The following RING1 variants were observed in gnomAD, a reference collection of about 807,000 sequenced individuals.
RING1 encodes the protein ring finger protein 1, also known as E3 ubiquitin-protein ligase RING1.
A neutral mutation model predicts 35.0 loss-of-function variants in RING1; 8 were observed. The ratio of observed to expected loss-of-function variants is 0.23; its 90% CI spans 0.13 to 0.41. The LOEUF (loss-of-function observed/expected upper bound fraction) is 0.41, where lower values mean the gene tolerates loss of function less well. Among genes scored for constraint, RING1 ranks in the 10% least tolerant of loss-of-function variants. The pLI, the probability that RING1 is intolerant of heterozygous loss-of-function variation, is 1.00. For synonymous variants in RING1, 214 were observed against 224.3 expected (o/e 0.95, Z 0.41); for missense variants, 343 against 546.8 (o/e 0.63, Z 3.72).
Position 33,211,833 on chromosome 6 carries a change from G to A in RING1, c.950G>A (p.Gly317Glu). The A allele has an allele frequency of 6.2e-7, 1 of 1,611,776 alleles. No homozygotes were observed. The highest frequency in any genetic ancestry group is 8.5e-7 in the Non-Finnish European group (1 of 1,179,002). The change falls in exon 6 of 7, where the codon GGA becomes GAA. Residue 317 changes from glycine (G) to glutamate (E), a missense_variant. Physicochemically the swap from Gly to Glu is moderately conservative, Grantham distance 98. Around this residue, in one of 2 missense-constraint regions of RING1, gnomAD observed 278 missense variants for 383.5 expected, o/e 0.72. Coordinates refer to ENST00000374656, the MANE Select transcript of RING1 (RefSeq NM_002931.4). This position sits in a 1 kb window ranked among gnomAD's most constrained non-coding sequence, Gnocchi z 6.3. ...CAACAGCAGGAAGCAGGGGAGCCAG[G>A]AGGGCCTGGAGGGGGCGCCTCTGAC... is the stretch of plus-strand genomic sequence containing the variant. ...RRQQQEAGEP[G>E]GPGGGASDTG...
At chr6:33,210,678 G>A (rs966467747) in intron 4 of RING1, among the ~76,000 whole-genome samples, 5 of 152,128 alleles carry the variant, frequency 3.3e-5, no homozygotes, top group Admixed American at 6.5e-5. Context: ...ACAGTAGAGC[G>A]ATTTTGAGAA....
Position 33,212,467 on chromosome 6 carries a change from C to A in RING1, c.*68C>A. 1 of 1,054,558 alleles carries A rather than the reference C, an allele frequency of 9.5e-7. No individual in the cohort carries two copies. Among genetic ancestry groups the A allele is most frequent in the Non-Finnish European group, 1.4e-6 (1 of 700,348 alleles). 65.3% of individuals were successfully genotyped at this position (1,054,558 alleles called of 1,614,324 possible). A position where few individuals can be genotyped will look rare whatever the true frequency, so the allele number is the denominator to read the frequency against. Reference sequence around the variant, plus strand: ...CCTGTGTCCTGGTCTATCACCCCAGCTTCTTTGTCCCCCAGTACCCCCAGC... The same window carrying A: ...CCTGTGTCCTGGTCTATCACCCCAGATTCTTTGTCCCCCAGTACCCCCAGC... On this transcript the variant is annotated 3_prime_UTR_variant, in exon 7 of 7. Transcript: ENST00000374656.
chr6:33,209,839 C>T lies in RING1; in HGVS notation c.239+53C>T, dbSNP rs1289294675. ...GATGAAGGGGTACAAAGTTAGGGCC[C>T]TCTCACTGGTCTTGGTTCAGCCTAG... On this transcript the variant is annotated intron_variant, in intron 3 of 6. Transcript: ENST00000374656. The surrounding 1 kb of genome is among the most constrained non-coding windows in gnomAD (Gnocchi z 5.1). The T allele has an allele frequency of 6.2e-7, 1 of 1,611,680 alleles. No homozygotes were observed.
Position 33,212,532 on chromosome 6 carries a change from C to T in RING1, c.*133C>T, listed in dbSNP as rs1775623973. The T allele has an allele frequency of 1.6e-6, 1 of 629,606 alleles. No homozygotes were observed. Among genetic ancestry groups the T allele is most frequent in the Non-Finnish European group, 2.9e-6 (1 of 350,870 alleles). 39.0% of individuals were successfully genotyped at this position (629,606 alleles called of 1,614,324 possible). ...AGAGGACACAAATGAGGACACGTGG[C>T]TTTTATACAAAGTATCTATATGAGA... On this transcript the variant is annotated 3_prime_UTR_variant, in exon 7 of 7. Coordinates refer to ENST00000374656, the MANE Select transcript of RING1 (RefSeq NM_002931.4).
In RING1 at chr6:33,211,272, CGCCCCTGACTCT is replaced by C; in HGVS notation, c.576_587del (p.Asp193_Pro196del). The C allele has an allele frequency of 6.2e-7, 1 of 1,612,756 alleles. No individual in the cohort carries two copies. The highest frequency in any genetic ancestry group is 8.5e-7 in the Non-Finnish European group (1 of 1,179,900). On this transcript the variant is annotated inframe_deletion, in exon 5 of 7. Coordinates refer to ENST00000374656, the MANE Select transcript of RING1 (RefSeq NM_002931.4). This position sits in a 1 kb window ranked among gnomAD's most constrained non-coding sequence, Gnocchi z 6.3. ...ATGGAGAAGATGTGAGCTCAGACTC[CGCCCCTGACTCT>C]GCCCCAGGCCCTGCTCCCAAGCGAC...
rs1450907411 is a variant in RING1, at chr6:33,208,992, C to T, written c.78+92C>T. 9.3e-7 allele frequency: 1 copy of T among 1,072,844 alleles called. No homozygotes were observed. The highest frequency in any genetic ancestry group is 2.6e-5 in the East Asian group (1 of 38,934). 66.5% of individuals were successfully genotyped at this position (1,072,844 alleles called of 1,614,324 possible). A position where few individuals can be genotyped will look rare whatever the true frequency, so the allele number is the denominator to read the frequency against. On this transcript the variant is annotated intron_variant, in intron 2 of 6. Coordinates refer to ENST00000374656, the MANE Select transcript of RING1 (RefSeq NM_002931.4). The surrounding 1 kb of genome is among the most constrained non-coding windows in gnomAD (Gnocchi z 6.2). ...CACAGCTTCTTTTCCGTAATTTGCT[C>T]TATTCTGCCTTGCCTGGCCCTACCT...
Position 33,211,565 on chromosome 6 carries a change from TC to T in RING1, c.845+22del. ...CAGACGAGGTGAGGAGCCCTGTCTT[TC>T]CCCAGCCACTGAGAAACCAAAGATC... On this transcript the variant is annotated intron_variant, in intron 5 of 6. Coordinates refer to ENST00000374656, the MANE Select transcript of RING1 (RefSeq NM_002931.4). The surrounding 1 kb of genome is among the most constrained non-coding windows in gnomAD (Gnocchi z 6.3). 6.2e-7 allele frequency: 1 copy of T among 1,603,756 alleles called. No individual in the cohort carries two copies. Among genetic ancestry groups the T allele is most frequent in the Non-Finnish European group, 8.5e-7 (1 of 1,178,008 alleles).
rs2744515 is a variant in RING1 at position 33,208,691 on chromosome 6, G to A, written c.-59+47G>A. 3 of 708,380 alleles carry A rather than the reference G, an allele frequency of 4.2e-6. No individual in the cohort carries two copies. In the African/African-American group the frequency reaches 5.6e-5, roughly 13 times the overall value. 43.9% of individuals were successfully genotyped at this position (708,380 alleles called of 1,614,324 possible). ...GGGGCGGGAGCGGGGGCGGAGAGGG[G>A]CGCTTCTGGAGGGGCGGGGTCTACG... On this transcript the variant is annotated intron_variant, in intron 1 of 6. Transcript: ENST00000374656. The surrounding 1 kb of genome is among the most constrained non-coding windows in gnomAD (Gnocchi z 6.2).
In RING1 at chr6:33,211,415, C is replaced by A. The variant is rs755377213; in HGVS notation, c.713C>A (p.Thr238Asn). The change falls in exon 5 of 7, where the codon ACT becomes AAT. Residue 238 changes from threonine (T) to asparagine (N), a missense_variant. Transcript: ENST00000374656. The surrounding 1 kb of genome is among the most constrained non-coding windows in gnomAD (Gnocchi z 6.3). ...GAAGACTCTGGTGACCGGGGAGGGA[C>A]TCTGGGAGGGGGAACGCTGGGCCCC... ...GSEDSGDRGG[T>N]LGGGTLGPPS... The A allele has an allele frequency of 7.7e-6, 12 of 1,565,006 alleles. No homozygotes were observed. The highest frequency in any genetic ancestry group is 1.7e-4 in the Middle Eastern group (1 of 5,826).
chr6:33,211,440 C>T lies in RING1; in HGVS notation c.738C>T (p.Pro246=). 2 of 1,584,984 alleles carry T rather than the reference C, an allele frequency of 1.3e-6. No homozygotes were observed. The highest frequency in any genetic ancestry group is 1.7e-6 in the Non-Finnish European group (2 of 1,165,966). The part of the protein sequence containing the change: ...GGTLGGGTLG[P]PSPPGAPSPP... ...CTCTGGGAGGGGGAACGCTGGGCCC[C>T]CCAAGCCCTCCTGGGGCCCCCAGCC... Residue 246 remains proline (P), a synonymous_variant, in exon 5 of 7, where the codon CCC becomes CCT. Coordinates refer to ENST00000374656, the MANE Select transcript of RING1 (RefSeq NM_002931.4). The surrounding 1 kb of genome is among the most constrained non-coding windows in gnomAD (Gnocchi z 6.3).
rs749601573 is a variant in RING1 at position 33,211,254 on chromosome 6, A to T, written c.552A>T (p.Glu184Asp). ...CCGGGGAGGGAGAAGGGGATGGAGA[A>T]GATGTGAGCTCAGACTCCGCCCCTG... ...GEPGEGEGDG[E>D]DVSSDSAPDS... The change falls in exon 5 of 7, where the codon GAA becomes GAT. Residue 184 changes from glutamate (E) to aspartate (D), a missense_variant. Glu to Asp is a conservative substitution (Grantham distance 45, BLOSUM62 2). Transcript: ENST00000374656. This position sits in a 1 kb window ranked among gnomAD's most constrained non-coding sequence, Gnocchi z 6.3. The T allele has an allele frequency of 6.2e-7, 1 of 1,612,786 alleles. No homozygotes were observed. The highest frequency in any genetic ancestry group is 1.7e-5 in the Admixed American group (1 of 59,998).
Position 33,211,628 on chromosome 6 carries a change from C to T in RING1, c.845+81C>T. The stretch of plus-strand genomic sequence containing the variant: ...CATCAGAAGTGGGCTTTGCCCAAAC[C>T]CAAAATACCACCCCAACCCAGAATC... On this transcript the variant is annotated intron_variant, in intron 5 of 6. Transcript: ENST00000374656. The surrounding 1 kb of genome is among the most constrained non-coding windows in gnomAD (Gnocchi z 6.3). 6.4e-7 allele frequency: 1 copy of T among 1,560,280 alleles called. No individual in the cohort carries two copies.
Position 33,210,221 on chromosome 6 carries a change from G to A in RING1, c.455+91G>A, listed in dbSNP as rs565944825. Reference sequence around the variant, plus strand: ...TAGCTTCTAAGCCTCAGCATCCTAGGAGCTGACCACAGACTGATCATTAGG... The same window carrying A: ...TAGCTTCTAAGCCTCAGCATCCTAGAAGCTGACCACAGACTGATCATTAGG... On this transcript the variant is annotated intron_variant, in intron 4 of 6. Coordinates refer to ENST00000374656, the MANE Select transcript of RING1 (RefSeq NM_002931.4). 2.1e-4 allele frequency: 244 copies of A among 1,179,484 alleles called. 1 individual carries two copies. The highest frequency in any genetic ancestry group is 8.5e-4 in the South Asian group (66 of 78,082). 73.1% of individuals were successfully genotyped at this position (1,179,484 alleles called of 1,614,324 possible). A position where few individuals can be genotyped will look rare whatever the true frequency, so the allele number is the denominator to read the frequency against.
chr6:33,212,541 A>G lies in RING1; in HGVS notation c.*142A>G. 1.6e-6 allele frequency: 1 copy of G among 618,882 alleles called. No individual in the cohort carries two copies. The highest frequency in any genetic ancestry group is 2.9e-6 in the Non-Finnish European group (1 of 344,860). The allele number at this position is 618,882 out of a possible 1,614,324, so 38.3% of individuals were successfully genotyped here. A position where few individuals can be genotyped will look rare whatever the true frequency, so the allele number is the denominator to read the frequency against. On this transcript the variant is annotated 3_prime_UTR_variant, in exon 7 of 7. Coordinates refer to ENST00000374656, the MANE Select transcript of RING1 (RefSeq NM_002931.4). ...AAATGAGGACACGTGGCTTTTATAC[A>G]AAGTATCTATATGAGATTCTTCTAT...
At position 33,211,695 on chromosome 6, in the gene RING1, TCTGG is replaced by T; in HGVS notation, c.846-31_846-28del. ...TACCTCCAGTCCTCATCTGAGGCGC[TCTGG>T]CTCTAAGCCTGTCCTCCCTCCCATT... On this transcript the variant is annotated intron_variant, in intron 5 of 6. Coordinates refer to ENST00000374656, the MANE Select transcript of RING1 (RefSeq NM_002931.4). This position sits in a 1 kb window ranked among gnomAD's most constrained non-coding sequence, Gnocchi z 6.3. 1 of 1,534,036 alleles carries T rather than the reference TCTGG, an allele frequency of 6.5e-7. No individual in the cohort carries two copies. The highest frequency in any genetic ancestry group is 8.8e-7 in the Non-Finnish European group (1 of 1,142,024).
chr6:33,210,615 A>C (rs531198951), intron 4 of RING1, among the ~76,000 whole-genome samples: 127 of 132,854 alleles, frequency 9.6e-4, no homozygotes, highest in South Asian at 4.8e-3. Flanking sequence ...GCCCTGTCAC[A>C]AAAAAAAAAA....
rs1165133868 is a variant in RING1, at chr6:33,211,306, C to A, written c.604C>A (p.Arg202=). ...PDSAPGPAPK[R]PRGGGAGGSS... Reference sequence around the variant, plus strand: ...CTCTGCCCCAGGCCCTGCTCCCAAGCGACCCCGTGGAGGGGGCGCAGGGGG... The same window carrying A: ...CTCTGCCCCAGGCCCTGCTCCCAAGAGACCCCGTGGAGGGGGCGCAGGGGG... Residue 202 remains arginine, a synonymous_variant, in exon 5 of 7, where the codon CGA becomes AGA. Transcript: ENST00000374656. This position sits in a 1 kb window ranked among gnomAD's most constrained non-coding sequence, Gnocchi z 6.3. The A allele has an allele frequency of 3.1e-6, 5 of 1,610,846 alleles. No homozygotes were observed. The African/African-American group carries it at 5.4e-5, about 17-fold the overall frequency.
intron 4 of RING1, 103 bp downstream of exon 4, chr6:33,210,233 G>T (rs213208): frequency 0.26 from 265,461 of 1,008,834 alleles, 39,374 homozygotes; most frequent in East Asian, 0.65. Context: ...GCTGACCACA[G>T]ACTGATCATT....
In RING1 at chr6:33,208,934, TC is replaced by T. The variant is rs1562449281; in HGVS notation, c.78+39del. The T allele has an allele frequency of 6.4e-7, 1 of 1,551,370 alleles. No homozygotes were observed. The highest frequency in any genetic ancestry group is 8.9e-7 in the Non-Finnish European group (1 of 1,129,560). On this transcript the variant is annotated intron_variant, in intron 2 of 6. Coordinates refer to ENST00000374656, the MANE Select transcript of RING1 (RefSeq NM_002931.4). The surrounding 1 kb of genome is among the most constrained non-coding windows in gnomAD (Gnocchi z 6.2). ...CATTCTCCCTTTCAGGCTTACCCCCTCCCCCAAACCCTTATATCCACAGACC... is the reference window on the plus strand; with the variant it reads ...CATTCTCCCTTTCAGGCTTACCCCCTCCCCAAACCCTTATATCCACAGACC...
Sources: gnomAD v4.1 joint callset for allele counts (sites outside exome capture counted in the v4.1 genomes callset) on GRCh38, gnomAD v4.1.1 for gene constraint, gnomAD v4.1.1 regional missense constraint, Gnocchi (gnomAD v3.1) non-coding constraint, MANE v1.5 for transcripts, NCBI Gene and HGNC (gene_info 2026-07-23, HGNC 2026-07-21) for gene names.